The following PCSK5 variants were observed in gnomAD, a reference collection of about 807,000 sequenced individuals.
PCSK5 encodes the protein prohormone convertase 5.
In PCSK5, 129 loss-of-function variants were observed where a neutral mutation model predicts 233.2. The observed-to-expected ratio is 0.55, with a 90% CI of 0.48 to 0.64. The LOEUF (loss-of-function observed/expected upper bound fraction) is 0.64, where lower values mean the gene tolerates loss of function less well. Among genes scored for constraint, PCSK5 ranks in the 30% least tolerant of loss-of-function variants. The pLI is 0.00. For missense variants in PCSK5, 2,076 were observed against 2,430.1 expected (o/e 0.85, Z 3.06); for synonymous variants, 825 against 879.2 (o/e 0.94, Z 1.09).
intron 3 of PCSK5, among the ~76,000 whole-genome samples, chr9:76,007,758 C>T (rs928252181): frequency 6.7e-6 from 1 of 149,294 alleles, no homozygotes; most frequent in Non-Finnish European, 1.5e-5. Flanking sequence ...TCCTGAGTAG[C>T]TGGGACCACA....
At chr9:76,061,842 C>T (rs1830039977) in intron 5 of PCSK5, among the ~76,000 whole-genome samples, 1 of 152,084 alleles carries the variant, frequency 6.6e-6, no homozygotes, top group African/African-American at 2.4e-5. Flanking sequence ...ATCACATGTA[C>T]ACTGAAAATA....
chr9:76,145,501 G>A (rs995512494), intron 10 of PCSK5, among the ~76,000 whole-genome samples: 1 of 152,114 alleles, frequency 6.6e-6, no homozygotes, highest in African/African-American at 2.4e-5. Flanking sequence ...TTCTACCAAG[G>A]CATAGAGCTT....
At chr9:76,012,453 T>C (rs1490061198) in intron 3 of PCSK5, among the ~76,000 whole-genome samples, 1 of 152,214 alleles carries the variant, frequency 6.6e-6, no homozygotes, top group Non-Finnish European at 1.5e-5. Context: ...ACACAGCTGA[T>C]CCTACTCAAC....
chr9:75,961,918 C>T (rs1825371168), intron 2 of PCSK5, among the ~76,000 whole-genome samples: 1 of 152,206 alleles, frequency 6.6e-6, no homozygotes, highest in South Asian at 2.1e-4. Flanking sequence ...TGTTGGACAG[C>T]ACTAATTCTG....
intron 5 of PCSK5, among the ~76,000 whole-genome samples, chr9:76,047,775 C>T (rs531458737): frequency 1.3e-5 from 2 of 152,184 alleles, no homozygotes; most frequent in South Asian, 2.1e-4. Context: ...TTATAAACAT[C>T]GCAAATGGTG....
intron 31 of PCSK5, among the ~76,000 whole-genome samples, chr9:76,322,041 C>G (rs772757426): frequency 1.3e-5 from 2 of 152,088 alleles, no homozygotes; most frequent in Non-Finnish European, 2.9e-5. Context: ...CTTCTGCCTC[C>G]CATGTTTAAG....
chr9:76,231,968 C>CCCAT (rs1826102401), intron 21 of PCSK5, among the ~76,000 whole-genome samples: 1 of 123,804 alleles, frequency 8.1e-6, no homozygotes, highest in African/African-American at 3.0e-5. Context: ...CGGCTTGAAT[C>CCCAT]CCATTCTGCC....
chr9:76,355,490 G>T (rs766385901), intron 37 of PCSK5, among the ~76,000 whole-genome samples: 1 of 149,626 alleles, frequency 6.7e-6, no homozygotes, highest in Admixed American at 6.7e-5. Context: ...GAAAAGAAAA[G>T]AAAAAAAAAG....
At chr9:76,046,330 G>GC (rs1232812687) in intron 5 of PCSK5, among the ~76,000 whole-genome samples, 1 of 149,130 alleles carries the variant, frequency 6.7e-6, no homozygotes, top group African/African-American at 2.5e-5. Context: ...GGCGCGCGCC[G>GC]CTATGCCCAG....
At chr9:75,940,458 G>C (rs184022482) in intron 2 of PCSK5, among the ~76,000 whole-genome samples, 1 of 152,322 alleles carries the variant, frequency 6.6e-6, no homozygotes, top group African/African-American at 2.4e-5. Context: ...TGTGCAATGA[G>C]GAAAGGGCAT....
intron 10 of PCSK5, among the ~76,000 whole-genome samples, chr9:76,135,529 C>CG (rs1333830965): frequency 6.6e-6 from 1 of 152,024 alleles, no homozygotes; most frequent in African/African-American, 2.4e-5. Flanking sequence ...TGTAAATACC[C>CG]GTTGGCATTG....
intron 24 of PCSK5, among the ~76,000 whole-genome samples, chr9:76,248,679 TAAAC>T (rs1440302228): frequency 6.6e-6 from 1 of 152,244 alleles, no homozygotes; most frequent in African/African-American, 2.4e-5. Context: ...GTTACCAACT[TAAAC>T]AAGTTATTAT....
chr9:76,048,762 T>G (rs1829514145), intron 5 of PCSK5, among the ~76,000 whole-genome samples: 1 of 152,244 alleles, frequency 6.6e-6, no homozygotes, highest in African/African-American at 2.4e-5. Flanking sequence ...TAAGTGATCC[T>G]TACAACTTTA....
At chr9:76,113,798 G>C (rs1337282979) in intron 9 of PCSK5, among the ~76,000 whole-genome samples, 3 of 151,994 alleles carry the variant, frequency 2.0e-5, no homozygotes, top group Non-Finnish European at 2.9e-5. Context: ...ACACATTTTA[G>C]TATAAAATGT....
At chr9:76,038,438 T>G (rs2131523225) in intron 5 of PCSK5, among the ~76,000 whole-genome samples, 1 of 152,368 alleles carries the variant, frequency 6.6e-6, no homozygotes, top group Non-Finnish European at 1.5e-5. Flanking sequence ...TGACCTGTGT[T>G]GTTAATTTTA....
intron 5 of PCSK5, among the ~76,000 whole-genome samples, chr9:76,059,686 G>A (rs1829955854): frequency 6.6e-6 from 1 of 152,212 alleles, no homozygotes; most frequent in Admixed American, 6.5e-5. Context: ...AGAAAGAAAG[G>A]CAGTTTTCAG....
At chr9:76,183,168 A>G (rs1258056595) in intron 16 of PCSK5, among the ~76,000 whole-genome samples, 1 of 152,240 alleles carries the variant, frequency 6.6e-6, no homozygotes, top group Admixed American at 6.5e-5. Flanking sequence ...GCCTTGAAAA[A>G]GAAATTTGAT....
intron 20 of PCSK5, among the ~76,000 whole-genome samples, chr9:76,220,215 T>C (rs1158551529): frequency 6.6e-6 from 1 of 152,214 alleles, no homozygotes; most frequent in Non-Finnish European, 1.5e-5. Context: ...AAATTTATTT[T>C]GTTTAACTGC....
chr9:75,933,216 G>A (rs374452230), intron 2 of PCSK5, among the ~76,000 whole-genome samples: 41 of 152,172 alleles, frequency 2.7e-4, no homozygotes, highest in African/African-American at 9.2e-4. Context: ...AGACTCTGAG[G>A]TCGAGTTCAG....
Sources: gnomAD v4.1 joint callset for allele counts (sites outside exome capture counted in the v4.1 genomes callset) on GRCh38, gnomAD v4.1.1 for gene constraint, MANE v1.5 for transcripts, NCBI Gene and HGNC (gene_info 2026-07-23, HGNC 2026-07-21) for gene names.